Variants in ANK2 observed in about 807,000 individuals in gnomAD.
The protein encoded by ANK2 is ankyrin 2, also known as ankyrin-2.
In ANK2, 83 loss-of-function variants were observed where a neutral mutation model predicts 360.5. The ratio of observed to expected loss-of-function variants is 0.23; its 90% confidence interval spans 0.19 to 0.28. ANK2 has a LOEUF of 0.28. Ranked by LOEUF, ANK2 falls within the 10% of genes least tolerant of loss-of-function variation. ANK2 has a pLI of 1.00. For synonymous variants in ANK2, 1,740 were observed against 1,759.5 expected, an observed-to-expected ratio of 0.99 and a Z score of 0.28; for missense variants, 4,201 against 4,795.7, an observed-to-expected ratio of 0.88 and a Z score of 3.66.
intron 32 of ANK2, among the ~76,000 whole-genome samples, chr4:113,340,332 T>C (rs1272215934): frequency 6.6e-6 from 1 of 152,132 alleles, no homozygotes; most frequent in South Asian, 2.1e-4. Context: ...TGAGCAAAGA[T>C]GCAAAGATAG....
chr4:113,378,057 T>G, intron 45 of ANK2: 884 of 1,078,938 alleles, frequency 8.2e-4, no homozygotes, highest in Non-Finnish European at 1.0e-3. Context: ...TAGTTTATGA[T>G]GAGCTTTGTC....
At chr4:112,892,780 T>C (rs2080465563) in intron 1 of ANK2, among the ~76,000 whole-genome samples, 1 of 152,190 alleles carries the variant, frequency 6.6e-6, no homozygotes, top group Non-Finnish European at 1.5e-5. Flanking sequence ...TAATTGTTCT[T>C]TTTGTTCTTG....
At chr4:112,845,849 C>T (rs1034739699) in intron 1 of ANK2, among the ~76,000 whole-genome samples, 6 of 152,194 alleles carry the variant, frequency 3.9e-5, no homozygotes, top group Non-Finnish European at 8.8e-5. Flanking sequence ...GTCTTCACAT[C>T]GGTGGTTCTG....
the ANK2 span, among the ~76,000 whole-genome samples, chr4:112,760,398 A>T: frequency 6.6e-6 from 1 of 152,042 alleles, no homozygotes; most frequent in African/African-American, 2.4e-5. Flanking sequence ...CGTGTTAGCG[A>T]GGATGGTCTC....
At chr4:113,267,041 A>C (rs971058040) in intron 14 of ANK2, among the ~76,000 whole-genome samples, 19 of 152,170 alleles carry the variant, frequency 1.2e-4, no homozygotes, top group Non-Finnish European at 1.8e-4. Context: ...TAGCCACATA[A>C]ATATCTTCTT....
intron 4 of ANK2, among the ~76,000 whole-genome samples, chr4:113,224,876 GTTT>G (rs11325379): frequency 2.6e-4 from 34 of 133,218 alleles, no homozygotes; most frequent in African/African-American, 7.2e-4. Flanking sequence ...GATCTTTGAA[GTTT>G]TTTTTTTTTT....
At chr4:112,829,519 A>C in intron 1 of ANK2, among the ~76,000 whole-genome samples, 1 of 151,376 alleles carries the variant, frequency 6.6e-6, no homozygotes, top group African/African-American at 2.4e-5. Context: ...AAGGAAGGGC[A>C]AAGACATGGA....
intron 1 of ANK2, among the ~76,000 whole-genome samples, chr4:113,108,258 T>C (rs2093886673): frequency 6.6e-6 from 1 of 152,176 alleles, no homozygotes; most frequent in South Asian, 2.1e-4. Context: ...TCTAAATATT[T>C]TCGAAGCTTC....
rs371839121 is a variant in ANK2 at position 113,255,854 on chromosome 4, C to T, written c.1110C>T (p.His370=). ...DVTLDYLTAL[H]VAAHCGHYRV... Reference sequence around the variant, plus strand: ...CCCTAGACTACCTGACAGCCCTCCACGTTGCTGCGCACTGTGGCCACTACC... The same window carrying T: ...CCCTAGACTACCTGACAGCCCTCCATGTTGCTGCGCACTGTGGCCACTACC... The change falls in exon 11 of 46, where the codon CAC becomes CAT. Residue 370 remains histidine, a synonymous_variant. Transcript: ENST00000357077. 64 of 1,614,232 alleles carry T rather than the reference C, an allele frequency of 4.0e-5. No individual in the cohort carries two copies. The highest frequency in any genetic ancestry group is 6.6e-5 in the South Asian group (6 of 91,086).
chr4:113,183,699 A>C (rs969301940), intron 2 of ANK2, among the ~76,000 whole-genome samples: 11 of 152,018 alleles, frequency 7.2e-5, no homozygotes, highest in African/African-American at 2.7e-4. Context: ...TACTAGAGGA[A>C]GTTTATAATT....
At chr4:112,823,726 T>C (rs916650867) in intron 1 of ANK2, among the ~76,000 whole-genome samples, 2 of 152,226 alleles carry the variant, frequency 1.3e-5, no homozygotes, top group Non-Finnish European at 2.9e-5. Flanking sequence ...CAAATTTAAG[T>C]TAATGCTAAT....
In ANK2 at chr4:113,354,100, G is replaced by A. The variant is rs1022291817; in HGVS notation, c.5482G>A (p.Glu1828Lys). Reference protein sequence around the residue: ...HAPGSPSPKTERHSTLSSSAK... With the variant: ...HAPGSPSPKTKRHSTLSSSAK... Reference sequence around the variant, plus strand: ...GCCAGGGTCTCCCTCCCCTAAAACAGAAAGACACTCTACTCTTTCCTCTTC... The same window carrying A: ...GCCAGGGTCTCCCTCCCCTAAAACAAAAAGACACTCTACTCTTTCCTCTTC... Residue 1828 changes from glutamate to lysine, a missense_variant, in exon 38 of 46, where the codon GAA becomes AAA. Glu to Lys is a moderately conservative substitution (Grantham distance 56). This residue lies in a region of ANK2 where 2,642 missense variants were observed against 2,714.5 expected (regional missense o/e 0.97). Coordinates refer to ENST00000357077, the MANE Select transcript of ANK2 (RefSeq NM_001148.6). The A allele has an allele frequency of 6.2e-7, 1 of 1,614,028 alleles. No individual in the cohort carries two copies. Among genetic ancestry groups the A allele is most frequent in the Non-Finnish European group, 8.5e-7 (1 of 1,179,962 alleles).
At chr4:113,241,669 A>G (rs1339325657) in intron 8 of ANK2, among the ~76,000 whole-genome samples, 1 of 152,198 alleles carries the variant, frequency 6.6e-6, no homozygotes, top group East Asian at 1.9e-4. Flanking sequence ...AATCATTTTT[A>G]TATTGGATAT....
rs2039156490 is a variant in ANK2, at chr4:113,240,428, G to C, written c.694-57G>C. 3 of 1,316,470 alleles carry C rather than the reference G, an allele frequency of 2.3e-6. No individual in the cohort carries two copies. In the East Asian group the frequency reaches 6.9e-5, roughly 30 times the overall value. 81.5% of individuals were successfully genotyped at this position (1,316,470 alleles called of 1,614,324 possible). On this transcript the variant is annotated intron_variant, in intron 7 of 45. Coordinates refer to ENST00000357077, the MANE Select transcript of ANK2 (RefSeq NM_001148.6). ...ATGTGACCTTCTTCACTAATACAAT[G>C]GCTGCAACATAGAAAAGTGAAGCGC...
In ANK2 at chr4:113,253,085, C is replaced by T. The variant is rs563721913; in HGVS notation, c.991-2650C>T. 2.0e-5 allele frequency among the ~76,000 whole-genome samples: 3 copies of T among 152,310 alleles called. No individual in the cohort carries two copies. In the East Asian group the frequency reaches 5.8e-4, roughly 29 times the overall value. On this transcript the variant is annotated intron_variant, in intron 10 of 45. Coordinates refer to ENST00000357077, the MANE Select transcript of ANK2 (RefSeq NM_001148.6). ...AGAGACTCCCACCTCCATATCTATC[C>T]ATATCTATCCAGTGACATGACTTGG...
chr4:112,963,431 G>T (rs555888341), intron 2 of ANK2, among the ~76,000 whole-genome samples: 2 of 152,262 alleles, frequency 1.3e-5, no homozygotes, highest in East Asian at 3.9e-4. Flanking sequence ...CTCTTAGGTT[G>T]AGTGGGTTTG....
the ANK2 span, among the ~76,000 whole-genome samples, chr4:112,712,600 G>A: frequency 2.0e-5 from 3 of 148,828 alleles, no homozygotes; most frequent in Non-Finnish European, 4.4e-5. Flanking sequence ...GTAGAGATGG[G>A]GTTTCACCGT....
At position 113,358,344 on chromosome 4, in the gene ANK2, A is replaced by G. The variant is rs1454675114; in HGVS notation, c.9726A>G (p.Ile3242Met). ...CTCCTCTCTCTGGTGTAAAGCAGAT[A>G]TCCTGCCCCGACTCTTCTGAACCAG... ...DIPPLSGVKQ[I>M]SCPDSSEPAV... is the part of the protein sequence containing the mutation. The change falls in exon 38 of 46, where the codon ATA becomes ATG. Residue 3242 changes from isoleucine to methionine, a missense_variant. Ile to Met is a conservative substitution (Grantham distance 10). Coordinates refer to ENST00000357077, the MANE Select transcript of ANK2 (RefSeq NM_001148.6). 1 of 1,614,026 alleles carries G rather than the reference A, an allele frequency of 6.2e-7. No individual in the cohort carries two copies. Among genetic ancestry groups the G allele is most frequent in the Non-Finnish European group, 8.5e-7 (1 of 1,179,900 alleles).
chr4:113,223,137 G>T (rs189910103), intron 4 of ANK2, among the ~76,000 whole-genome samples: 1 of 152,212 alleles, frequency 6.6e-6, no homozygotes, highest in Admixed American at 6.5e-5. Flanking sequence ...GACAATTTGG[G>T]GATGTTTTCC....
Sources: gnomAD v4.1 joint callset for allele counts (sites outside exome capture counted in the v4.1 genomes callset) on GRCh38, gnomAD v4.1.1 for gene constraint, gnomAD v4.1.1 regional missense constraint, MANE v1.5 for transcripts, NCBI Gene and HGNC (gene_info 2026-07-23, HGNC 2026-07-21) for gene names.